Variants in PLXDC2 observed in about 807,000 individuals in gnomAD.
The protein encoded by PLXDC2 is plexin domain containing 2, also known as plexin domain-containing protein 2.
A neutral mutation model predicts 68.9 loss-of-function variants in PLXDC2; 40 were observed. The observed-to-expected ratio is 0.58, with a 90% confidence interval of 0.45 to 0.76. The LOEUF is 0.76. Ranked by LOEUF, PLXDC2 falls within the 30% of genes least tolerant of loss-of-function variation. The pLI is 0.00. For synonymous variants in PLXDC2, 243 were observed against 234.2 expected, an observed-to-expected ratio of 1.04 and a Z score of -0.34; for missense variants, 644 against 661.9, an observed-to-expected ratio of 0.97 and a Z score of 0.30.
At chr10:19,851,426 T>C (rs533344636) in intron 1 of PLXDC2, among the ~76,000 whole-genome samples, 1 of 152,362 alleles carries the variant, frequency 6.6e-6, no homozygotes, top group East Asian at 1.9e-4. Flanking sequence ...TCACATGTTT[T>C]AGTACCTCTC....
At chr10:20,198,904 T>C (rs1834878146) in intron 9 of PLXDC2, among the ~76,000 whole-genome samples, 1 of 152,080 alleles carries the variant, frequency 6.6e-6, no homozygotes, top group South Asian at 2.1e-4. Context: ...AAGTACAATG[T>C]TGATTGGAAG....
rs539033633 is a variant in PLXDC2, at chr10:20,193,864, A to G, written c.1061+16455A>G. Among the ~76,000 whole-genome samples, 8 of 152,182 alleles carry G rather than the reference A, an allele frequency of 5.3e-5. 1 individual carries two copies. The South Asian group carries it at 1.5e-3, about 28-fold the overall frequency. On this transcript the variant is annotated intron_variant, in intron 9 of 13. Coordinates refer to ENST00000377252, the MANE Select transcript of PLXDC2 (RefSeq NM_032812.9). ...TGCATAACAGTCTAATGGAATTAGC[A>G]TTTAGTAATTTGATATTTTGTATGC...
intron 1 of PLXDC2, among the ~76,000 whole-genome samples, chr10:19,854,711 G>A (rs554168566): frequency 3.3e-5 from 5 of 152,168 alleles, no homozygotes; most frequent in East Asian, 1.9e-4. Context: ...TTCCAGAAAC[G>A]CCAGTGTCTT....
chr10:19,824,329 C>G (rs1407131207), intron 1 of PLXDC2, among the ~76,000 whole-genome samples: 1 of 152,158 alleles, frequency 6.6e-6, no homozygotes, highest in African/African-American at 2.4e-5. Context: ...CATTTGTGTG[C>G]TAGCTTACCT....
At chr10:20,116,052 G>C (rs1447858064) in intron 4 of PLXDC2, among the ~76,000 whole-genome samples, 1 of 152,220 alleles carries the variant, frequency 6.6e-6, no homozygotes, top group Non-Finnish European at 1.5e-5. Flanking sequence ...ACACAAAAGT[G>C]TGTTTGAGAT....
chr10:20,073,752 C>T (rs535378376), intron 4 of PLXDC2, among the ~76,000 whole-genome samples: 7 of 152,178 alleles, frequency 4.6e-5, no homozygotes, highest in African/African-American at 1.7e-4. Context: ...ATTAGTGATA[C>T]CACCAAGATG....
At chr10:19,868,157 G>A (rs1261768287) in intron 1 of PLXDC2, among the ~76,000 whole-genome samples, 1 of 152,026 alleles carries the variant, frequency 6.6e-6, no homozygotes, top group Non-Finnish European at 1.5e-5. Flanking sequence ...ACATGTGGAG[G>A]TTTGTTACAT....
chr10:20,181,278 T>C (rs1564344381), intron 9 of PLXDC2, among the ~76,000 whole-genome samples: 3 of 152,088 alleles, frequency 2.0e-5, no homozygotes. Context: ...CACTCATGTA[T>C]TTACTTAACA....
intron 9 of PLXDC2, among the ~76,000 whole-genome samples, chr10:20,188,056 TAATA>T (rs1196766903): frequency 6.6e-6 from 1 of 151,686 alleles, no homozygotes; most frequent in Non-Finnish European, 1.5e-5. Flanking sequence ...CATCCAGTGA[TAATA>T]AAAGGATATT....
In PLXDC2 at chr10:20,196,083, T is replaced by C. The variant is rs147959123; in HGVS notation, c.1062-15586T>C. ...CAAAACGGATTCCTGACACTTCCAC[T>C]AGTTTTATTTGTTATGGGCTGTTTG... On this transcript the variant is annotated intron_variant, in intron 9 of 13. Transcript: ENST00000377252. 1.3e-4 allele frequency among the ~76,000 whole-genome samples: 20 copies of C among 152,294 alleles called. 1 individual carries two copies. In the South Asian group the frequency reaches 1.7e-3, roughly 13 times the overall value.
At chr10:20,198,654 C>T (rs1834874317) in intron 9 of PLXDC2, among the ~76,000 whole-genome samples, 1 of 152,070 alleles carries the variant, frequency 6.6e-6, no homozygotes, top group Admixed American at 6.6e-5. Flanking sequence ...AGCTTTTCAA[C>T]TTTCCAACAT....
At chr10:20,117,603 G>GA (rs1479783243) in intron 4 of PLXDC2, among the ~76,000 whole-genome samples, 2 of 152,038 alleles carry the variant, frequency 1.3e-5, no homozygotes, top group East Asian at 1.9e-4. Context: ...GTTGACTCCT[G>GA]AAAAAATCCC....
chr10:19,920,149 G>A (rs540506091), intron 1 of PLXDC2, among the ~76,000 whole-genome samples: 228 of 152,306 alleles, frequency 1.5e-3, no homozygotes, highest in African/African-American at 5.4e-3. Context: ...AGCTCCTGTG[G>A]CTGTCATGGT....
rs997403 is a variant in PLXDC2 at position 19,997,556 on chromosome 10, C to A, written c.113-4219C>A. ...ATGTGTGTGCTTTGTATGTAAAACT[C>A]AAAAAATGTTCAAATGTTTTCAGCA... On this transcript the variant is annotated intron_variant, in intron 1 of 13. Coordinates refer to ENST00000377252, the MANE Select transcript of PLXDC2 (RefSeq NM_032812.9). Among the ~76,000 whole-genome samples, 189 of 152,172 alleles carry A rather than the reference C, an allele frequency of 1.2e-3. 1 individual carries two copies. The highest frequency in any genetic ancestry group is 4.4e-3 in the African/African-American group (182 of 41,532).
intron 9 of PLXDC2, among the ~76,000 whole-genome samples, chr10:20,195,176 G>C (rs987668703): frequency 5.9e-5 from 9 of 151,974 alleles, no homozygotes; most frequent in Admixed American, 5.3e-4. Flanking sequence ...GATCACCTTG[G>C]GTGCAGCCTG....
In PLXDC2 at chr10:20,126,296, CATATATACACATACGTTATATAATAT is replaced by C. The variant is rs1564324808; in HGVS notation, c.542-16995_542-16970del. 1.6e-4 allele frequency among the ~76,000 whole-genome samples: 18 copies of C among 114,060 alleles called. 1 individual carries two copies. The highest frequency in any genetic ancestry group is 9.1e-4 in the South Asian group (3 of 3,290). 74.8% of individuals were successfully genotyped at this position (114,060 alleles called of 152,430 possible). On this transcript the variant is annotated intron_variant, in intron 4 of 13. Coordinates refer to ENST00000377252, the MANE Select transcript of PLXDC2 (RefSeq NM_032812.9). ...ATATATACATATACGTTATATAATA[CATATATACACATACGTTATATAATAT>C]ATACATATACGTTATATAATACATA...
intron 4 of PLXDC2, among the ~76,000 whole-genome samples, chr10:20,091,069 CG>C (rs1833270060): frequency 6.6e-6 from 1 of 152,132 alleles, no homozygotes; most frequent in Admixed American, 6.6e-5. Context: ...CCCCACACCC[CG>C]GTTTTAAAAC....
chr10:20,268,527 C>T (rs1835898189), intron 13 of PLXDC2, among the ~76,000 whole-genome samples: 1 of 152,154 alleles, frequency 6.6e-6, no homozygotes, highest in Non-Finnish European at 1.5e-5. Context: ...TGACATAAAT[C>T]ATTCTCTTGT....
intron 2 of PLXDC2, among the ~76,000 whole-genome samples, chr10:20,044,353 C>G (rs916344398): frequency 6.7e-6 from 1 of 148,530 alleles, no homozygotes; most frequent in Non-Finnish European, 1.5e-5. Flanking sequence ...CTCTGTTGCC[C>G]AGGCTGGAGT....
Sources: allele counts gnomAD v4.1 joint callset (sites outside exome capture counted in the v4.1 genomes callset), GRCh38; gene constraint gnomAD v4.1.1; transcripts MANE v1.5; gene names NCBI Gene and HGNC (gene_info 2026-07-23, HGNC 2026-07-21).